Variants in CHMP7 observed in about 807,000 individuals in gnomAD.
CHMP7 encodes the protein charged multivesicular body protein 7.
A neutral mutation model predicts 53.7 loss-of-function variants in CHMP7; 15 were observed. The observed-to-expected ratio is 0.28, with a 90% CI of 0.19 to 0.43. CHMP7 has a LOEUF of 0.43. CHMP7 is among the 20% of genes least tolerant of loss of function. CHMP7 has a pLI of 1.00. For missense variants in CHMP7, 527 were observed against 569.4 expected, an observed-to-expected ratio of 0.93 and a Z score of 0.76; for synonymous variants, 261 against 228.0, an observed-to-expected ratio of 1.14 and a Z score of -1.30.
In CHMP7 at chr8:23,258,081, G is replaced by A; in HGVS notation, c.840G>A (p.Leu280=). 6.2e-7 allele frequency: 1 copy of A among 1,612,478 alleles called. No individual in the cohort carries two copies. Among genetic ancestry groups the A allele is most frequent in the South Asian group, 1.1e-5 (1 of 91,000 alleles). ...CATGCCGAGCAGGAAAGAAGCAGCT[G>A]GTGAGTTCTTGTCTCCTCCAGACCC... ...RRACRAGKKQ[L]ALRSLKAKQR... The change falls in exon 6 of 11, where the codon CTG becomes CTA. Residue 280 remains leucine, a splice_region_variant and synonymous_variant. Coordinates refer to ENST00000397677, the MANE Select transcript of CHMP7 (RefSeq NM_152272.5).
rs747438320 is a variant in CHMP7, at chr8:23,260,167, A to C, written c.1144A>C (p.Lys382Gln). Residue 382 changes from lysine to glutamine, a missense_variant, in exon 10 of 11, where the codon AAG becomes CAG. Coordinates refer to ENST00000397677, the MANE Select transcript of CHMP7 (RefSeq NM_152272.5). ...AGATTTTGACAGTGAAGAACTGGAG[A>C]AGGAATTGGACATCCTCCTTCAGGA... ...GLDFDSEELE[K>Q]ELDILLQDTT... The C allele has an allele frequency of 3.1e-6, 5 of 1,613,942 alleles. No homozygotes were observed. In the South Asian group the frequency reaches 5.5e-5, roughly 18 times the overall value.
chr8:23,244,579 G>A (rs915082786), intron 1 of CHMP7, among the ~76,000 whole-genome samples: 4 of 152,008 alleles, frequency 2.6e-5, no homozygotes, highest in Admixed American at 6.6e-5. Flanking sequence ...GGTTGTATCC[G>A]TCCTCTGACT....
rs1337075050 is a variant in CHMP7 at position 23,246,436 on chromosome 8, G to A, written c.-260G>A. The A allele has an allele frequency of 5.7e-6, 3 of 525,220 alleles. No individual in the cohort carries two copies. The highest frequency in any genetic ancestry group is 3.5e-5 in the Admixed American group (1 of 28,868). 32.5% of individuals were successfully genotyped at this position (525,220 alleles called of 1,614,324 possible). A position where few individuals can be genotyped will look rare whatever the true frequency, so the allele number is the denominator to read the frequency against. Reference sequence around the variant, plus strand: ...CGCGCAGGCGCAAGCCTTTCTTTCGGCACAAAGACCGTGGGAGGAGGGGTC... The same window carrying A: ...CGCGCAGGCGCAAGCCTTTCTTTCGACACAAAGACCGTGGGAGGAGGGGTC... On this transcript the variant is annotated 5_prime_UTR_variant, in exon 2 of 11. Coordinates refer to ENST00000397677, the MANE Select transcript of CHMP7 (RefSeq NM_152272.5).
In CHMP7 at chr8:23,256,582, G is replaced by A; in HGVS notation, c.780G>A (p.Gln260=). The A allele has an allele frequency of 6.2e-7, 1 of 1,613,872 alleles. No homozygotes were observed. The highest frequency in any genetic ancestry group is 8.5e-7 in the Non-Finnish European group (1 of 1,179,906). The change falls in exon 5 of 11, where the codon CAG becomes CAA. Residue 260 remains glutamine (Q), a synonymous_variant. Coordinates refer to ENST00000397677, the MANE Select transcript of CHMP7 (RefSeq NM_152272.5). ...LLSRKVESLS[Q]EAERCKEEAR... ...CACGCAAAGTGGAGTCCTTATCCCAGGAAGCAGAGAGGTAACTTTTAACCC... is the reference window on the plus strand; with the variant it reads ...CACGCAAAGTGGAGTCCTTATCCCAAGAAGCAGAGAGGTAACTTTTAACCC...
chr8:23,254,300 C>T (rs1802042304), intron 3 of CHMP7, among the ~76,000 whole-genome samples: 1 of 152,000 alleles, frequency 6.6e-6, no homozygotes, highest in South Asian at 2.1e-4. Context: ...CATGTATGAG[C>T]GAAATGGTGA....
At chr8:23,258,158 G>A (rs1802212624) in intron 6 of CHMP7, 77 bp downstream of exon 6, 4 of 1,460,756 alleles carry the variant, frequency 2.7e-6, no homozygotes, top group Non-Finnish European at 3.8e-6. Context: ...TCAGAGAGCA[G>A]CTTGCTGGGG....
intron 9 of CHMP7, 152 bp downstream of exon 9, chr8:23,259,278 C>T (rs1447477642): frequency 3.2e-5 from 15 of 474,956 alleles, no homozygotes; most frequent in Non-Finnish European, 4.8e-5. Context: ...ACGCCATTCT[C>T]CTGCCTCAGC....
At chr8:23,248,246 G>A (rs1334173852) in intron 2 of CHMP7, 4 of 452,642 alleles carry the variant, frequency 8.8e-6, no homozygotes, top group South Asian at 4.6e-5. Flanking sequence ...TATTGGAAGT[G>A]GATCATCTTC....
At chr8:23,250,064 C>T (rs1394338035) in intron 3 of CHMP7, among the ~76,000 whole-genome samples, 1 of 152,206 alleles carries the variant, frequency 6.6e-6, no homozygotes, top group East Asian at 1.9e-4. Flanking sequence ...TGGAGAAAAT[C>T]GCCTGTCATC....
At chr8:23,256,729 C>A in intron 5 of CHMP7, 136 bp downstream of exon 5, 1 of 543,832 alleles carries the variant, frequency 1.8e-6, no homozygotes, top group Non-Finnish European at 3.1e-6. Flanking sequence ...GTACTCACTG[C>A]TCAATGCAGA....
chr8:23,259,263 G>A (rs1446114245), intron 9 of CHMP7, 137 bp downstream of exon 9: 15 of 496,662 alleles, frequency 3.0e-5, no homozygotes, highest in African/African-American at 8.0e-5. Flanking sequence ...CCGCCTCCCG[G>A]GTTCACGCCA....
chr8:23,248,113 A>T (rs774370435), intron 2 of CHMP7: 1 of 456,210 alleles, frequency 2.2e-6, no homozygotes, highest in East Asian at 6.9e-5. Context: ...GCACCTGGCC[A>T]ACGAGGCTTT....
intron 9 of CHMP7, among the ~76,000 whole-genome samples, chr8:23,259,506 G>T (rs1246396976): frequency 6.6e-6 from 1 of 151,904 alleles, no homozygotes; most frequent in African/African-American, 2.4e-5. Flanking sequence ...GATTATAGGC[G>T]CCCGCCACCA....
At chr8:23,249,503 CTG>C in intron 3 of CHMP7, 122 bp downstream of exon 3, 1 of 673,382 alleles carries the variant, frequency 1.5e-6, no homozygotes, top group Non-Finnish European at 2.4e-6. Context: ...GAGTTGATAA[CTG>C]AGTTTATCTG....
intron 3 of CHMP7, among the ~76,000 whole-genome samples, chr8:23,252,095 T>C (rs1801951362): frequency 6.6e-6 from 1 of 151,862 alleles, no homozygotes; most frequent in Non-Finnish European, 1.5e-5. Context: ...ATACGTCCTG[T>C]TTGTGAATTG....
chr8:23,260,754 T>C lies in CHMP7; in HGVS notation c.*155T>C. The C allele has an allele frequency of 3.0e-6, 2 of 662,598 alleles. No homozygotes were observed. The highest frequency in any genetic ancestry group is 2.7e-5 in the East Asian group (1 of 37,098). 41.0% of individuals were successfully genotyped at this position (662,598 alleles called of 1,614,324 possible). A position where few individuals can be genotyped will look rare whatever the true frequency, so the allele number is the denominator to read the frequency against. On this transcript the variant is annotated 3_prime_UTR_variant, in exon 11 of 11. Transcript: ENST00000397677. ...ATGCTACTACTTACTACAGGACAGA[T>C]AGAATTTCTGGAAGCGATGCTCCAA...
Position 23,255,248 on chromosome 8 carries a change from A to G in CHMP7, c.473A>G (p.Glu158Gly), listed in dbSNP as rs752655432. The change falls in exon 4 of 11, where the codon GAA (glutamate) becomes GGA (glycine). Residue 158 changes from glutamate (E) to glycine (G), a missense_variant and splice_region_variant. Transcript: ENST00000397677. ...CAGCCAATGTTGCCTTTCCCACAGG[A>G]AAAGGCTGAGGAGGTGTATCGTCTG... is the stretch of plus-strand genomic sequence containing the variant. ...EVLVAVELLK[E>G]KAEEVYRLYQ... The G allele has an allele frequency of 3.7e-6, 6 of 1,613,832 alleles. No homozygotes were observed. The highest frequency in any genetic ancestry group is 5.1e-6 in the Non-Finnish European group (6 of 1,179,890).
In CHMP7 at chr8:23,257,966, G is replaced by C; in HGVS notation, c.792-67G>C. 1.3e-5 allele frequency: 14 copies of C among 1,064,592 alleles called. No individual in the cohort carries two copies. In the South Asian group the frequency reaches 1.9e-4, roughly 14 times the overall value. The allele number at this position is 1,064,592 out of a possible 1,614,324, so 65.9% of individuals were successfully genotyped here. A position where few individuals can be genotyped will look rare whatever the true frequency, so the allele number is the denominator to read the frequency against. Reference sequence around the variant, plus strand: ...CACCTTAACTGAGTGCTGCTCTCAGGGACCCTTTGGGACCCTGCCACTCCC... The same window carrying C: ...CACCTTAACTGAGTGCTGCTCTCAGCGACCCTTTGGGACCCTGCCACTCCC... On this transcript the variant is annotated intron_variant, in intron 5 of 10. Coordinates refer to ENST00000397677, the MANE Select transcript of CHMP7 (RefSeq NM_152272.5).
At chr8:23,247,743 C>G (rs958074504) in intron 2 of CHMP7, among the ~76,000 whole-genome samples, 1 of 152,124 alleles carries the variant, frequency 6.6e-6, no homozygotes, top group African/African-American at 2.4e-5. Context: ...TCAGAGAGAT[C>G]AAGTGACTTA....
Sources: gnomAD v4.1 joint callset for allele counts (sites outside exome capture counted in the v4.1 genomes callset) on GRCh38, gnomAD v4.1.1 for gene constraint, MANE v1.5 for transcripts, NCBI Gene and HGNC (gene_info 2026-07-23, HGNC 2026-07-21) for gene names.